The following CHD9 variants were observed in gnomAD, a reference collection of about 807,000 sequenced individuals.
The protein encoded by CHD9 is ATP-dependent chromatin remodeler CHD9.
CHD9 carries 77 observed loss-of-function variants against 316.1 expected under a neutral mutation model. The ratio of observed to expected loss-of-function variants is 0.24; its 90% confidence interval spans 0.20 to 0.29. The LOEUF (loss-of-function observed/expected upper bound fraction) is 0.29, where lower values mean the gene tolerates loss of function less well. CHD9 is among the 10% of genes least tolerant of loss of function. The probability of loss-of-function intolerance (pLI) is 1.00; values close to 1 mark genes in which losing one functional copy is unlikely to be tolerated. For synonymous variants in CHD9, 1,129 were observed against 1,158.3 expected, an observed-to-expected ratio of 0.97 and a Z score of 0.51; for missense variants, 2,763 against 3,438.1, an observed-to-expected ratio of 0.80 and a Z score of 4.91.
chr16:53,260,247 G>A (rs757453687), intron 19 of CHD9, among the ~76,000 whole-genome samples: 6 of 152,204 alleles, frequency 3.9e-5, no homozygotes, highest in Non-Finnish European at 8.8e-5. Context: ...GGGAGGCCAA[G>A]GCAGGAAGAT....
intron 11 of CHD9, among the ~76,000 whole-genome samples, chr16:53,237,011 C>G (rs975962456): frequency 2.0e-5 from 3 of 152,048 alleles, no homozygotes; most frequent in Non-Finnish European, 4.4e-5. Flanking sequence ...AGGTCTTGAA[C>G]TCTGGGCCCA....
rs200375430 is a variant in CHD9, at chr16:53,297,129, G to A, written c.5684G>A (p.Arg1895Gln). The change falls in exon 30 of 39, where the codon CGG (arginine) becomes CAG (glutamine). Residue 1895 changes from arginine (R) to glutamine (Q), a missense_variant. This residue lies in a region of CHD9 where 183 missense variants were observed against 258.5 expected (regional missense o/e 0.71). Transcript: ENST00000447540. ...TTGTACGCATTCATGTCCATGTGTCGGAGGGTTTGTCGTCTTCCTTCCAAA... is the reference window on the plus strand; with the variant it reads ...TTGTACGCATTCATGTCCATGTGTCAGAGGGTTTGTCGTCTTCCTTCCAAA... ...KYLYAFMSMC[R>Q]RVCRLPSKEE... is the part of the protein sequence containing the mutation. 2.9e-5 allele frequency: 47 copies of A among 1,613,646 alleles called. No individual in the cohort carries two copies. The highest frequency in any genetic ancestry group is 2.5e-4 in the Admixed American group (15 of 60,000).
At chr16:53,230,228 A>AAT (rs1402597391) in intron 8 of CHD9, among the ~76,000 whole-genome samples, 1 of 152,126 alleles carries the variant, frequency 6.6e-6, no homozygotes, top group Non-Finnish European at 1.5e-5. Flanking sequence ...ATACCTCTGT[A>AAT]CCCCAGTACT....
chr16:53,198,161 G>A (rs1163185812), intron 2 of CHD9, among the ~76,000 whole-genome samples: 1 of 151,970 alleles, frequency 6.6e-6, no homozygotes, highest in Non-Finnish European at 1.5e-5. Context: ...TAAAGGGAGG[G>A]AACATGCTGA....
At chr16:53,276,922 A>G (rs2052893751) in intron 24 of CHD9, among the ~76,000 whole-genome samples, 1 of 152,170 alleles carries the variant, frequency 6.6e-6, no homozygotes. Flanking sequence ...AAAACAGGAG[A>G]TATTACAACT....
rs115937168 is a variant in CHD9, at chr16:53,112,678, A to G, written c.-164-43248A>G. On this transcript the variant is annotated intron_variant, in intron 1 of 38. Coordinates refer to ENST00000447540, the MANE Select transcript of CHD9 (RefSeq NM_001308319.2). Reference sequence around the variant, plus strand: ...AAGACCAGTACTTTTTATTTGCACAATGTAGTATTTTTGGAGAATGCTTAT... The same window carrying G: ...AAGACCAGTACTTTTTATTTGCACAGTGTAGTATTTTTGGAGAATGCTTAT... Among the ~76,000 whole-genome samples, 1,055 of 152,266 alleles carry G rather than the reference A, an allele frequency of 6.9e-3. 9 individuals carry two copies. Among genetic ancestry groups the G allele is most frequent in the African/African-American group, 0.024 (1,016 of 41,536 alleles).
chr16:53,267,575 T>C (rs2051819698), intron 21 of CHD9, 85 bp downstream of exon 21: 10 of 991,880 alleles, frequency 1.0e-5, no homozygotes, highest in Non-Finnish European at 1.4e-5. Context: ...GTATATTTTT[T>C]ATCTTCTTAG....
At position 53,209,611 on chromosome 16, in the gene CHD9, C is replaced by T. The variant is rs373299221; in HGVS notation, c.1582C>T (p.Arg528Cys). 9 of 1,613,594 alleles carry T rather than the reference C, an allele frequency of 5.6e-6. No individual in the cohort carries two copies. In the African/African-American group the frequency reaches 9.4e-5, roughly 17 times the overall value. The change falls in exon 3 of 39, where the codon CGT (arginine) becomes TGT (cysteine). Residue 528 changes from arginine (R) to cysteine (C), a missense_variant. Physicochemically the swap from Arg to Cys is radical, Grantham distance 180. This residue lies in a region of CHD9 where 859 missense variants were observed against 890.4 expected (regional missense o/e 0.96). Transcript: ENST00000447540. ...AGAAAGCAAGCAAGAAAAGGCTAAT[C>T]GTATAATATCAGAGGCCATAGCAAA... ...ESESKQEKAN[R>C]IISEAIAKAK...
chr16:53,171,393 T>G (rs887962891), intron 2 of CHD9, among the ~76,000 whole-genome samples: 12 of 152,140 alleles, frequency 7.9e-5, no homozygotes, highest in African/African-American at 2.9e-4. Context: ...CACTCCAGCC[T>G]GGGCAACAGA....
At chr16:53,135,065 G>T (rs1457955517) in intron 1 of CHD9, among the ~76,000 whole-genome samples, 1 of 152,110 alleles carries the variant, frequency 6.6e-6, no homozygotes, top group African/African-American at 2.4e-5. Flanking sequence ...GATTCTAAGT[G>T]GAAACAGAAT....
chr16:53,245,905 A>G lies in CHD9; in HGVS notation c.3454+55A>G. Reference sequence around the variant, plus strand: ...TTTTTCTTGCAACAAATACTAATGAATAAATAAACAGAACACACTACAGCT... The same window carrying G: ...TTTTTCTTGCAACAAATACTAATGAGTAAATAAACAGAACACACTACAGCT... On this transcript the variant is annotated intron_variant, in intron 15 of 38. Coordinates refer to ENST00000447540, the MANE Select transcript of CHD9 (RefSeq NM_001308319.2). The surrounding 1 kb of genome is among the most constrained non-coding windows in gnomAD (Gnocchi z 4.1). The G allele has an allele frequency of 1.6e-6, 2 of 1,252,518 alleles. No individual in the cohort carries two copies. The highest frequency in any genetic ancestry group is 1.1e-6 in the Non-Finnish European group (1 of 935,378). The allele number at this position is 1,252,518 out of a possible 1,614,324, so 77.6% of individuals were successfully genotyped here. A position where few individuals can be genotyped will look rare whatever the true frequency, so the allele number is the denominator to read the frequency against.
intron 2 of CHD9, among the ~76,000 whole-genome samples, chr16:53,204,043 A>G (rs1302625250): frequency 9.5e-6 from 1 of 104,930 alleles, no homozygotes; most frequent in Non-Finnish European, 2.1e-5. Flanking sequence ...AAAAAAAAAA[A>G]AAAAAATATA....
chr16:53,245,218 T>C lies in CHD9; in HGVS notation c.3055-118T>C. The C allele has an allele frequency of 1.1e-5, 7 of 660,886 alleles. No individual in the cohort carries two copies. The highest frequency in any genetic ancestry group is 2.9e-5 in the South Asian group (1 of 34,390). The allele number at this position is 660,886 out of a possible 1,614,324, so 40.9% of individuals were successfully genotyped here. On this transcript the variant is annotated intron_variant, in intron 13 of 38. Coordinates refer to ENST00000447540, the MANE Select transcript of CHD9 (RefSeq NM_001308319.2). The surrounding 1 kb of genome is among the most constrained non-coding windows in gnomAD (Gnocchi z 4.1). ...TATACACACACACACACATAACATA[T>C]ATATATGTATATATAGTCAGAAAAA...
intron 2 of CHD9, among the ~76,000 whole-genome samples, chr16:53,197,466 G>A (rs1379290526): frequency 1.3e-5 from 2 of 152,066 alleles, no homozygotes; most frequent in Admixed American, 6.6e-5. Flanking sequence ...GTGCACCTCA[G>A]GGTACTTTAT....
intron 1 of CHD9, chr16:53,121,294 A>G (rs1567344095): frequency 8.8e-6 from 4 of 453,962 alleles, no homozygotes; most frequent in Non-Finnish European, 1.8e-5. Context: ...TCCAAACTTG[A>G]TTTAGATGCA....
Position 53,307,918 on chromosome 16 carries a change from G to T in CHD9, c.7018G>T (p.Val2340Leu). Residue 2340 changes from valine (V) to leucine (L), a missense_variant, in exon 33 of 39, where the codon GTA (valine) becomes TTA (leucine). Physicochemically the swap from Val to Leu is conservative, Grantham distance 32. Coordinates refer to ENST00000447540, the MANE Select transcript of CHD9 (RefSeq NM_001308319.2). ...STQMSKVKKH[V>L]REKEFTVKIK... is the part of the protein sequence containing the mutation. Reference sequence around the variant, plus strand: ...ACAGATGTCAAAGGTGAAGAAGCATGTACGAGAAAAGGAGTTTACAGTGAA... The same window carrying T: ...ACAGATGTCAAAGGTGAAGAAGCATTTACGAGAAAAGGAGTTTACAGTGAA... 1.9e-6 allele frequency: 3 copies of T among 1,612,248 alleles called. No homozygotes were observed. The highest frequency in any genetic ancestry group is 1.7e-6 in the Non-Finnish European group (2 of 1,179,226).
At chr16:53,222,567 T>G in intron 3 of CHD9, 77 bp from the exon 4 acceptor site, 1 of 696,126 alleles carries the variant, frequency 1.4e-6, no homozygotes. Context: ...AGAAAGTTTA[T>G]CATGACAATC....
At chr16:53,213,638 C>T (rs2046504451) in intron 3 of CHD9, among the ~76,000 whole-genome samples, 1 of 152,150 alleles carries the variant, frequency 6.6e-6, no homozygotes, top group Non-Finnish European at 1.5e-5. Context: ...ATTTTAGAAT[C>T]TAGGACTTCC....
At chr16:53,077,670 C>T (rs1348403076) in intron 1 of CHD9, among the ~76,000 whole-genome samples, 2 of 152,144 alleles carry the variant, frequency 1.3e-5, no homozygotes, top group Non-Finnish European at 2.9e-5. Flanking sequence ...GCACAATGTA[C>T]GTTTACAATA....
Sources: allele counts gnomAD v4.1 joint callset (sites outside exome capture counted in the v4.1 genomes callset), GRCh38; gene constraint gnomAD v4.1.1; regional missense constraint gnomAD v4.1.1; non-coding constraint Gnocchi (gnomAD v3.1); transcripts MANE v1.5; gene names NCBI Gene and HGNC (gene_info 2026-07-23, HGNC 2026-07-21).